Variants in PVT1 observed in about 807,000 individuals in gnomAD.
PVT1 encodes the protein Pvt1 oncogene, also known as CXCR4/PVT1 fusion.
At chr8:127,999,329 A>C (rs548230678) in intron 4 of PVT1, 1 of 152,170 alleles carries the variant, frequency 6.6e-6, no homozygotes, top group Non-Finnish European at 1.5e-5. Context: ...TACATAAATA[A>C]ATAAATGTGT....
chr8:128,078,857 C>T (rs1814131098), intron 5 of PVT1, among the ~76,000 whole-genome samples: 7 of 152,174 alleles, frequency 4.6e-5, no homozygotes, highest in Admixed American at 4.6e-4. Context: ...GCAAACATGG[C>T]TCACTGCAGC....
At chr8:127,896,179 C>T (rs753409392) in intron 3 of PVT1, among the ~76,000 whole-genome samples, 3 of 152,160 alleles carry the variant, frequency 2.0e-5, no homozygotes, top group Admixed American at 6.5e-5. Context: ...ATTCAGCAGA[C>T]ATTTACTGAG....
intron 1 of PVT1, among the ~76,000 whole-genome samples, chr8:127,795,286 T>A (rs556951513): frequency 6.6e-6 from 1 of 152,296 alleles, no homozygotes; most frequent in East Asian, 1.9e-4. Flanking sequence ...GGGCTGTTGA[T>A]TTAATTAGGT....
intron 2 of PVT1, among the ~76,000 whole-genome samples, chr8:127,860,804 CTG>C (rs3040865): frequency 0.3 from 43,649 of 145,750 alleles, 7,913 homozygotes; most frequent in Middle Eastern, 0.43. Flanking sequence ...AAGGCGACAA[CTG>C]TGAGCTTTCT....
intron 2 of PVT1, among the ~76,000 whole-genome samples, chr8:127,799,577 A>G (rs1319068670): frequency 6.6e-6 from 1 of 152,150 alleles, no homozygotes; most frequent in Non-Finnish European, 1.5e-5. Context: ...AGACAGTAGC[A>G]GGAGGCAGTG....
intron 3 of PVT1, among the ~76,000 whole-genome samples, chr8:127,981,378 C>T (rs1295256686): frequency 5.9e-5 from 9 of 152,104 alleles, no homozygotes; most frequent in Non-Finnish European, 7.4e-5. Context: ...TTTTTCCTGG[C>T]GCGTTCACCT....
intron 3 of PVT1, among the ~76,000 whole-genome samples, chr8:127,973,980 GAAAA>G (rs34219434): frequency 7.1e-6 from 1 of 140,078 alleles, no homozygotes; most frequent in African/African-American, 2.6e-5. Flanking sequence ...CTCCGTCTCA[GAAAA>G]AAAAAAAAAG....
At chr8:128,079,767 C>T (rs1814150210) in intron 5 of PVT1, among the ~76,000 whole-genome samples, 1 of 152,134 alleles carries the variant, frequency 6.6e-6, no homozygotes, top group Non-Finnish European at 1.5e-5. Flanking sequence ...CTCTGTCGCC[C>T]AGGCTGGAGT....
chr8:128,029,568 G>A (rs769940236), intron 4 of PVT1, among the ~76,000 whole-genome samples: 6 of 152,182 alleles, frequency 3.9e-5, no homozygotes, highest in Non-Finnish European at 8.8e-5. Context: ...TTGGGAGGCC[G>A]AGGCAGGTGG....
At chr8:127,879,036 C>T (rs59335050) in intron 2 of PVT1, among the ~76,000 whole-genome samples, 3 of 152,218 alleles carry the variant, frequency 2.0e-5, no homozygotes, top group African/African-American at 7.2e-5. Flanking sequence ...AAGAGCAAGG[C>T]GTGAGCCCTA....
intron 2 of PVT1, among the ~76,000 whole-genome samples, chr8:127,830,678 A>G (rs1188627771): frequency 6.6e-6 from 1 of 151,840 alleles, no homozygotes; most frequent in Non-Finnish European, 1.5e-5. Flanking sequence ...TGTCAACTTG[A>G]TTGGATTGAA....
chr8:128,014,589 C>G (rs947826999), intron 4 of PVT1, among the ~76,000 whole-genome samples: 2 of 152,162 alleles, frequency 1.3e-5, no homozygotes, highest in South Asian at 2.1e-4. Flanking sequence ...TGATAATGAA[C>G]CGAACAGAGA....
chr8:127,862,692 G>T (rs903847163), intron 2 of PVT1, among the ~76,000 whole-genome samples: 1 of 152,112 alleles, frequency 6.6e-6, no homozygotes, highest in African/African-American at 2.4e-5. Flanking sequence ...GGAATTATGG[G>T]TTGAGCCATA....
At chr8:127,839,145 G>GT (rs1398248918) in intron 2 of PVT1, among the ~76,000 whole-genome samples, 1 of 152,164 alleles carries the variant, frequency 6.6e-6, no homozygotes, top group African/African-American at 2.4e-5. Context: ...TTCTCAGAAT[G>GT]TATCTCTACC....
chr8:127,834,855 A>G (rs996174269), intron 2 of PVT1, among the ~76,000 whole-genome samples: 3 of 152,228 alleles, frequency 2.0e-5, no homozygotes, highest in Non-Finnish European at 4.4e-5. Flanking sequence ...ACAACTCATC[A>G]TTACTGGTCA....
chr8:127,850,767 C>G (rs1586406443), intron 2 of PVT1, among the ~76,000 whole-genome samples: 1 of 152,050 alleles, frequency 6.6e-6, no homozygotes, highest in Non-Finnish European at 1.5e-5. Context: ...GCCTGTAATC[C>G]CAGCAGTTTG....
intron 3 of PVT1, among the ~76,000 whole-genome samples, chr8:127,951,016 G>A (rs967752267): frequency 1.3e-5 from 2 of 152,188 alleles, no homozygotes; most frequent in Non-Finnish European, 2.9e-5. Context: ...TCCTGCCTCA[G>A]CCTCCCAAGT....
intron 2 of PVT1, among the ~76,000 whole-genome samples, chr8:127,854,952 C>G (rs1815145815): frequency 6.6e-6 from 1 of 152,122 alleles, no homozygotes; most frequent in Non-Finnish European, 1.5e-5. Context: ...GTCCTTATAC[C>G]CATTTCACGG....
At chr8:127,842,453 A>T (rs1814984534) in intron 2 of PVT1, among the ~76,000 whole-genome samples, 1 of 151,078 alleles carries the variant, frequency 6.6e-6, no homozygotes, top group Non-Finnish European at 1.5e-5. Context: ...TTTTGTAGAG[A>T]TAGGGTCTCT....
Sources: allele counts gnomAD v4.1 joint callset (sites outside exome capture counted in the v4.1 genomes callset), GRCh38; gene constraint gnomAD v4.1.1; transcripts MANE v1.5; gene names NCBI Gene and HGNC (gene_info 2026-07-23, HGNC 2026-07-21).